CNTN5: variants seen among roughly 807,000 people sequenced by gnomAD.
CNTN5 encodes the protein contactin 5, also known as contactin-5.
CNTN5 carries 77 observed loss-of-function variants against 129.1 expected under a neutral mutation model. The observed-to-expected ratio is 0.60, with a 90% CI of 0.50 to 0.72. The LOEUF (loss-of-function observed/expected upper bound fraction) is 0.72, where lower values mean the gene tolerates loss of function less well. Ranked by LOEUF, CNTN5 falls within the 30% of genes least tolerant of loss-of-function variation. The pLI is 0.00. For synonymous variants in CNTN5, 509 were observed against 465.6 expected, an observed-to-expected ratio of 1.09 and a Z score of -1.20; for missense variants, 1,478 against 1,328.8, an observed-to-expected ratio of 1.11 and a Z score of -1.75.
rs566415400 is a variant in CNTN5 at position 100,183,260 on chromosome 11, G to T, written c.1581-7866G>T. Among the ~76,000 whole-genome samples the T allele has an allele frequency of 5.9e-5, 9 of 152,226 alleles. No homozygotes were observed. The East Asian group carries it at 1.6e-3, about 26-fold the overall frequency. On this transcript the variant is annotated intron_variant, in intron 13 of 24. Coordinates refer to ENST00000524871, the MANE Select transcript of CNTN5 (RefSeq NM_014361.4). ...TGCAATCTTAAATATTTACCCAAAAGAAATGAAAGCATATATCCATAGAAG... is the reference window on the plus strand; with the variant it reads ...TGCAATCTTAAATATTTACCCAAAATAAATGAAAGCATATATCCATAGAAG...
chr11:99,849,692 G>T (rs1020985083), intron 6 of CNTN5, among the ~76,000 whole-genome samples: 3 of 152,114 alleles, frequency 2.0e-5, no homozygotes, highest in African/African-American at 7.2e-5. Flanking sequence ...CACATTGACA[G>T]CTTGTATTTA....
intron 4 of CNTN5, among the ~76,000 whole-genome samples, chr11:99,843,899 C>T (rs892708126): frequency 1.3e-5 from 2 of 152,138 alleles, no homozygotes; most frequent in African/African-American, 4.8e-5. Context: ...ATTCACTATG[C>T]TATAGATCTT....
chr11:100,202,930 C>T (rs1180432785), intron 15 of CNTN5, among the ~76,000 whole-genome samples: 1 of 151,944 alleles, frequency 6.6e-6, no homozygotes, highest in African/African-American at 2.4e-5. Flanking sequence ...ATCTGATTTG[C>T]TGTTGTAAAG....
At position 99,239,285 on chromosome 11, in the gene CNTN5, TC is replaced by T. The variant is rs151149556; in HGVS notation, c.-209-86060del. Among the ~76,000 whole-genome samples, 1,031 of 152,340 alleles carry T rather than the reference TC, an allele frequency of 6.8e-3. 10 individuals are homozygous for T. Among genetic ancestry groups the T allele is most frequent in the African/African-American group, 0.023 (962 of 41,580 alleles). ...ATTGAGATTTAGCCAAGTTTAATTA[TC>T]AACTGAAATAGTTTTAAATTATTTT... On this transcript the variant is annotated intron_variant, in intron 1 of 24. Transcript: ENST00000524871.
intron 13 of CNTN5, among the ~76,000 whole-genome samples, chr11:100,092,781 G>T: frequency 6.8e-6 from 1 of 147,186 alleles, no homozygotes; most frequent in Admixed American, 6.8e-5. Context: ...GTGCTGGGAG[G>T]CGGAGGTGGG....
intron 13 of CNTN5, among the ~76,000 whole-genome samples, chr11:100,120,231 T>C (rs1945972636): frequency 6.6e-6 from 1 of 152,000 alleles, no homozygotes; most frequent in Non-Finnish European, 1.5e-5. Context: ...CTTGGAATTT[T>C]TGTAACAAGC....
At chr11:99,215,607 A>G (rs1338949270) in intron 1 of CNTN5, among the ~76,000 whole-genome samples, 1 of 152,172 alleles carries the variant, frequency 6.6e-6, no homozygotes, top group Non-Finnish European at 1.5e-5. Context: ...AAATGTCTCA[A>G]AGATATCCAA....
chr11:99,369,542 A>G (rs1939702478), intron 2 of CNTN5, among the ~76,000 whole-genome samples: 2 of 151,932 alleles, frequency 1.3e-5, no homozygotes, highest in South Asian at 2.1e-4. Context: ...GATACTCTCA[A>G]TGAATATGTA....
intron 9 of CNTN5, among the ~76,000 whole-genome samples, chr11:100,030,580 C>T (rs1331279405): frequency 6.6e-6 from 1 of 152,124 alleles, no homozygotes; most frequent in Non-Finnish European, 1.5e-5. Context: ...GCCTCATTGT[C>T]CGCTTGTCTC....
At chr11:99,648,339 G>A (rs1427472873) in intron 3 of CNTN5, among the ~76,000 whole-genome samples, 1 of 151,420 alleles carries the variant, frequency 6.6e-6, no homozygotes, top group Non-Finnish European at 1.5e-5. Flanking sequence ...CTAATGATCA[G>A]GTAAATGCAA....
chr11:100,017,376 A>C (rs959689616), intron 9 of CNTN5, among the ~76,000 whole-genome samples: 1 of 151,964 alleles, frequency 6.6e-6, no homozygotes, highest in Non-Finnish European at 1.5e-5. Context: ...GCATTTTAAT[A>C]TCTCTGAAAT....
At chr11:99,482,151 A>G (rs752880408) in intron 2 of CNTN5, among the ~76,000 whole-genome samples, 1 of 152,216 alleles carries the variant, frequency 6.6e-6, no homozygotes, top group Non-Finnish European at 1.5e-5. Context: ...AACTGAACAT[A>G]TGAATTAGTA....
chr11:99,575,735 C>G (rs534329101), intron 3 of CNTN5, among the ~76,000 whole-genome samples: 1 of 152,248 alleles, frequency 6.6e-6, no homozygotes, highest in Non-Finnish European at 1.5e-5. Flanking sequence ...CATAAGTAGC[C>G]AGGCATGACC....
intron 13 of CNTN5, among the ~76,000 whole-genome samples, chr11:100,160,699 C>T (rs1222906675): frequency 6.6e-6 from 1 of 151,896 alleles, no homozygotes; most frequent in Non-Finnish European, 1.5e-5. Flanking sequence ...ACTATACATT[C>T]ATAAATGATT....
chr11:99,661,892 AT>A (rs1952606611), intron 3 of CNTN5, among the ~76,000 whole-genome samples: 1 of 152,114 alleles, frequency 6.6e-6, no homozygotes, highest in Non-Finnish European at 1.5e-5. Flanking sequence ...GAGCATACGT[AT>A]TTTCAATTTA....
At chr11:100,028,546 G>A (rs970879081) in intron 9 of CNTN5, among the ~76,000 whole-genome samples, 1 of 152,072 alleles carries the variant, frequency 6.6e-6, no homozygotes, top group Non-Finnish European at 1.5e-5. Context: ...TGAAGCATTT[G>A]CCTATCCTCT....
At chr11:99,631,389 CA>C (rs1951342599) in intron 3 of CNTN5, among the ~76,000 whole-genome samples, 1 of 151,944 alleles carries the variant, frequency 6.6e-6, no homozygotes, top group South Asian at 2.1e-4. Context: ...AGTGCACTTT[CA>C]GGGTACTTAA....
chr11:99,394,128 C>T (rs369253599), intron 2 of CNTN5, among the ~76,000 whole-genome samples: 9 of 151,602 alleles, frequency 5.9e-5, no homozygotes, highest in Admixed American at 2.6e-4. Context: ...GATAATGAAA[C>T]GTATTCCTCA....
chr11:99,293,852 TA>T (rs1222623461), intron 1 of CNTN5, among the ~76,000 whole-genome samples: 1 of 152,122 alleles, frequency 6.6e-6, no homozygotes, highest in African/African-American at 2.4e-5. Flanking sequence ...TCCTTATCTT[TA>T]AAAAACCAAC....
Sources: gnomAD v4.1 joint callset for allele counts (sites outside exome capture counted in the v4.1 genomes callset) on GRCh38, gnomAD v4.1.1 for gene constraint, MANE v1.5 for transcripts, NCBI Gene and HGNC (gene_info 2026-07-23, HGNC 2026-07-21) for gene names.